Variants in NRXN1 observed in about 807,000 individuals in gnomAD.
NRXN1 encodes neurexin 1.
A neutral mutation model predicts 150.9 loss-of-function variants in NRXN1; 39 were observed. The observed-to-expected ratio is 0.26, with a 90% CI of 0.20 to 0.34. The LOEUF is 0.34. Ranked by LOEUF, NRXN1 falls within the 10% of genes least tolerant of loss-of-function variation. The pLI, the probability that NRXN1 is intolerant of heterozygous loss-of-function variation, is 1.00. For missense variants in NRXN1, 1,815 were observed against 1,949.9 expected (o/e 0.93, Z 1.30); for synonymous variants, 924 against 757.0 (o/e 1.22, Z -3.62).
intron 17 of NRXN1, among the ~76,000 whole-genome samples, chr2:50,411,462 G>C (rs1299352535): frequency 6.6e-6 from 1 of 152,184 alleles, no homozygotes; most frequent in African/African-American, 2.4e-5. Context: ...TCTAGGAAGT[G>C]AGGAGCGTCT....
intron 2 of NRXN1, among the ~76,000 whole-genome samples, chr2:50,968,164 C>T (rs1017309865): frequency 1.3e-5 from 2 of 152,058 alleles, no homozygotes; most frequent in Non-Finnish European, 2.9e-5. Context: ...CCTACCCATT[C>T]TCTTTGACTG....
chr2:50,074,804 G>C (rs1696810801), intron 19 of NRXN1, among the ~76,000 whole-genome samples: 1 of 152,140 alleles, frequency 6.6e-6, no homozygotes, highest in African/African-American at 2.4e-5. Context: ...AATGTAAAAA[G>C]TATGGAAAGA....
At position 50,585,913 on chromosome 2, in the gene NRXN1, G is replaced by A. The variant is rs151291282; in HGVS notation, c.1321-32888C>T. On this transcript the variant is annotated intron_variant, in intron 8 of 22. Transcript: ENST00000401669. ...AAGAGGGGTCACTGAGTTACATTTG[G>A]TCACATCTACTCAGGCATTCTGGTA... Among the ~76,000 whole-genome samples the A allele has an allele frequency of 1.3e-3, 192 of 152,232 alleles. 2 individuals are homozygous for A. Among genetic ancestry groups the A allele is most frequent in the African/African-American group, 4.5e-3 (186 of 41,536 alleles).
At chr2:50,248,454 A>G (rs2066717500) in intron 17 of NRXN1, among the ~76,000 whole-genome samples, 1 of 152,178 alleles carries the variant, frequency 6.6e-6, no homozygotes, top group Non-Finnish European at 1.5e-5. Context: ...TGGGCAGAAG[A>G]CATTTAACTT....
In NRXN1 at chr2:50,532,416, T is replaced by A. The variant is rs544434875; in HGVS notation, c.2144-986A>T. Among the ~76,000 whole-genome samples the A allele has an allele frequency of 1.2e-4, 18 of 152,180 alleles. 1 individual carries two copies. Among genetic ancestry groups the A allele is most frequent in the African/African-American group, 4.3e-4 (18 of 41,558 alleles). On this transcript the variant is annotated intron_variant, in intron 10 of 22. Coordinates refer to ENST00000401669, the MANE Select transcript of NRXN1 (RefSeq NM_001330078.2). ...TAGGCCAATACTTTACCAAAGGTGA[T>A]GTTCAAAAAGAAAAAAGAAAAACTG...
At chr2:49,960,306 A>G (rs1675709028) in intron 21 of NRXN1, among the ~76,000 whole-genome samples, 1 of 152,216 alleles carries the variant, frequency 6.6e-6, no homozygotes, top group African/African-American at 2.4e-5. Flanking sequence ...TATAGCAACC[A>G]GAAACCACAA....
chr2:50,042,568 A>C (rs1264352537), intron 21 of NRXN1, among the ~76,000 whole-genome samples: 1 of 152,152 alleles, frequency 6.6e-6, no homozygotes, highest in Non-Finnish European at 1.5e-5. Flanking sequence ...TAATACAAGG[A>C]CTGAGCAATA....
At chr2:50,943,771 A>C (rs987018976) in intron 2 of NRXN1, among the ~76,000 whole-genome samples, 3 of 147,954 alleles carry the variant, frequency 2.0e-5, no homozygotes, top group African/African-American at 7.3e-5. Flanking sequence ...GTAAAGAAAA[A>C]TGTAATGTGA....
chr2:50,071,130 G>T (rs1176345945), intron 19 of NRXN1, among the ~76,000 whole-genome samples: 2 of 152,148 alleles, frequency 1.3e-5, no homozygotes, highest in Non-Finnish European at 2.9e-5. Context: ...CTACAGTTAG[G>T]CTGTGTCATA....
chr2:50,137,314 A>C (rs1242058592), intron 18 of NRXN1, among the ~76,000 whole-genome samples: 2 of 152,170 alleles, frequency 1.3e-5, no homozygotes, highest in African/African-American at 4.8e-5. Flanking sequence ...GCATACTCTT[A>C]GTTGGTGAGC....
intron 17 of NRXN1, among the ~76,000 whole-genome samples, chr2:50,239,200 G>T (rs2065758589): frequency 6.6e-6 from 1 of 151,844 alleles, no homozygotes; most frequent in South Asian, 2.1e-4. Context: ...GCCCATTGTT[G>T]ATAAAAATAG....
intron 19 of NRXN1, among the ~76,000 whole-genome samples, chr2:50,059,496 C>T (rs116752586): frequency 0.012 from 1,800 of 152,210 alleles, 43 homozygotes; most frequent in African/African-American, 0.041. Flanking sequence ...AAAAGAAAAA[C>T]CCTTGTCCTG....
In NRXN1 at chr2:50,497,553, C is replaced by A. The variant is rs796052780; in HGVS notation, c.2659G>T (p.Asp887Tyr). Reference sequence around the variant, plus strand: ...GCATTAAGCTCACAGTAATCTATGTCGCCATTTTTACACAGGTCAATGTAT... The same window carrying A: ...GCATTAAGCTCACAGTAATCTATGTAGCCATTTTTACACAGGTCAATGTAT... Reference protein sequence around the residue: ...MAYIDLCKNGDIDYCELNARF... With the variant: ...MAYIDLCKNGYIDYCELNARF... The change falls in exon 14 of 23, where the codon GAC (aspartate) becomes TAC (tyrosine). Residue 887 changes from aspartate (D) to tyrosine (Y), a missense_variant. Asp to Tyr is a radical substitution (Grantham distance 160, BLOSUM62 -3). Transcript: ENST00000401669. The A allele has an allele frequency of 6.2e-7, 1 of 1,613,822 alleles. No homozygotes were observed. The highest frequency in any genetic ancestry group is 1.3e-5 in the African/African-American group (1 of 75,014).
chr2:49,946,222 T>C (rs948246157), intron 21 of NRXN1, among the ~76,000 whole-genome samples: 1 of 152,218 alleles, frequency 6.6e-6, no homozygotes. Context: ...ACCCACTTTT[T>C]GATGGGGTTG....
At chr2:50,876,951 T>G (rs1023473153) in intron 5 of NRXN1, among the ~76,000 whole-genome samples, 1 of 151,884 alleles carries the variant, frequency 6.6e-6, no homozygotes, top group Non-Finnish European at 1.5e-5. Context: ...AATCTTATAA[T>G]ATTTTTAACA....
intron 19 of NRXN1, among the ~76,000 whole-genome samples, chr2:50,079,344 T>C (rs1697579952): frequency 6.6e-6 from 1 of 152,108 alleles, no homozygotes; most frequent in Non-Finnish European, 1.5e-5. Context: ...TAAAGATTTA[T>C]TGGATCACAG....
At chr2:50,779,798 CAAAAT>C (rs528404794) in intron 5 of NRXN1, among the ~76,000 whole-genome samples, 27 of 150,304 alleles carry the variant, frequency 1.8e-4, no homozygotes, top group African/African-American at 4.7e-4. Context: ...TAAAACAAAA[CAAAAT>C]AAAATAAAAT....
intron 8 of NRXN1, among the ~76,000 whole-genome samples, chr2:50,600,637 T>C (rs1676111752): frequency 6.6e-6 from 1 of 152,176 alleles, no homozygotes; most frequent in African/African-American, 2.4e-5. Flanking sequence ...GTCTTGCTTT[T>C]TGGGGGCAAG....
At position 50,552,646 on chromosome 2, in the gene NRXN1, A is replaced by C. The variant is rs372311299; in HGVS notation, c.1700T>G (p.Leu567Trp). The change falls in exon 9 of 23, where the codon TTG becomes TGG. Residue 567 changes from leucine (L) to tryptophan (W), a missense_variant. By Grantham distance (61) the Leu-to-Trp change is moderately conservative (BLOSUM62 -2). Transcript: ENST00000401669. ...GSGTIKIKAL[L>W]KKVNDGEWYH... ...CCATTCTCCATCATTCACTTTCTTC[A>C]ACAGGGCTTTTATTTTTATAGTACC... is the stretch of plus-strand genomic sequence containing the variant. 66 of 1,613,778 alleles carry C rather than the reference A, an allele frequency of 4.1e-5. No individual in the cohort carries two copies. In the African/African-American group the frequency reaches 7.6e-4, roughly 19 times the overall value.
Sources: allele counts gnomAD v4.1 joint callset (sites outside exome capture counted in the v4.1 genomes callset), GRCh38; gene constraint gnomAD v4.1.1; transcripts MANE v1.5; gene names NCBI Gene and HGNC (gene_info 2026-07-23, HGNC 2026-07-21).